The following RBFOX1 variants were observed in gnomAD, a reference collection of about 807,000 sequenced individuals.
RBFOX1 encodes the protein RNA binding protein fox-1 homolog 1.
RBFOX1 carries 8 observed loss-of-function variants against 57.7 expected under a neutral mutation model. The observed-to-expected ratio is 0.14, with a 90% CI of 0.08 to 0.25. The LOEUF (loss-of-function observed/expected upper bound fraction) is 0.25. RBFOX1 is among the 10% of genes least tolerant of loss of function. The probability of loss-of-function intolerance (pLI) is 1.00; values close to 1 mark genes in which losing one functional copy is unlikely to be tolerated. For synonymous variants in RBFOX1, 326 were observed against 222.4 expected, an observed-to-expected ratio of 1.47 and a Z score of -4.15; for missense variants, 611 against 548.5, an observed-to-expected ratio of 1.11 and a Z score of -1.14.
chr16:6,816,422 AT>A (rs34666559), intron 3 of RBFOX1, among the ~76,000 whole-genome samples: 29,815 of 140,602 alleles, frequency 0.21, 2,997 homozygotes, highest in African/African-American at 0.24. Flanking sequence ...CCTTCATGTA[AT>A]TTTTTTTTTT....
At chr16:5,640,414 A>G (rs931510208) in intron 3 of RBFOX1, among the ~76,000 whole-genome samples, 1 of 152,094 alleles carries the variant, frequency 6.6e-6, no homozygotes, top group African/African-American at 2.4e-5. Context: ...ACACATGCAC[A>G]CCATGCACAC....
At chr16:5,386,095 A>C (rs2066247454) in intron 1 of RBFOX1, among the ~76,000 whole-genome samples, 1 of 140,484 alleles carries the variant, frequency 7.1e-6, no homozygotes, top group South Asian at 2.4e-4. Context: ...TGAACTTGGA[A>C]AGTTTGCAAC....
At chr16:5,732,923 T>A (rs1399211292) in intron 3 of RBFOX1, among the ~76,000 whole-genome samples, 1 of 152,150 alleles carries the variant, frequency 6.6e-6, no homozygotes, top group Non-Finnish European at 1.5e-5. Context: ...GCCTGCCTTA[T>A]TATCCAAGGA....
intron 5 of RBFOX1, among the ~76,000 whole-genome samples, chr16:7,544,946 G>C (rs2152497412): frequency 6.6e-6 from 1 of 152,240 alleles, no homozygotes; most frequent in South Asian, 2.1e-4. Flanking sequence ...TCCAATAGCA[G>C]CTCAGTTACG....
chr16:6,316,725 A>G (rs8043935), intron 1 of RBFOX1, among the ~76,000 whole-genome samples: 23,181 of 152,152 alleles, frequency 0.15, 2,042 homozygotes, highest in South Asian at 0.24. Flanking sequence ...ATGTCTTGTC[A>G]ACTGTGGGAG....
At position 6,920,851 on chromosome 16, in the gene RBFOX1, C is replaced by T. The variant is rs2074304052; in HGVS notation, c.-15-131206C>T. 2.6e-5 allele frequency among the ~76,000 whole-genome samples: 4 copies of T among 152,182 alleles called. 1 individual carries two copies. The highest frequency in any genetic ancestry group is 9.7e-5 in the African/African-American group (4 of 41,442). ...CTTGAGATCCTTAACTTAGTTACAC[C>T]ACCTGCAAAAGCTTTATTTCCAAAT... On this transcript the variant is annotated intron_variant, in intron 3 of 15. Transcript: ENST00000550418.
intron 3 of RBFOX1, among the ~76,000 whole-genome samples, chr16:5,630,699 C>T (rs913642026): frequency 6.6e-6 from 1 of 152,122 alleles, no homozygotes; most frequent in African/African-American, 2.4e-5. Flanking sequence ...TATTCTTTTT[C>T]TATCCTGATG....
chr16:6,917,716 C>A (rs1365139105), intron 3 of RBFOX1, among the ~76,000 whole-genome samples: 1 of 152,186 alleles, frequency 6.6e-6, no homozygotes, highest in East Asian at 1.9e-4. Context: ...CCCTTTGCTT[C>A]GATGGGAACC....
chr16:6,470,633 C>G (rs1385141616), intron 2 of RBFOX1, among the ~76,000 whole-genome samples: 2 of 152,174 alleles, frequency 1.3e-5, no homozygotes, highest in African/African-American at 4.8e-5. Context: ...TCCATAGCCC[C>G]TACCCAACTT....
intron 4 of RBFOX1, among the ~76,000 whole-genome samples, chr16:7,397,714 A>G (rs925637082): frequency 6.6e-6 from 1 of 152,150 alleles, no homozygotes; most frequent in African/African-American, 2.4e-5. Flanking sequence ...CTCTGGAATG[A>G]TTTTGACATG....
At chr16:6,725,775 T>C (rs2067043069) in intron 3 of RBFOX1, among the ~76,000 whole-genome samples, 1 of 152,192 alleles carries the variant, frequency 6.6e-6, no homozygotes, top group South Asian at 2.1e-4. Context: ...ATGTTGAAAA[T>C]TCTATCATTT....
chr16:5,541,192 A>G (rs890322084), intron 2 of RBFOX1, among the ~76,000 whole-genome samples: 1 of 152,110 alleles, frequency 6.6e-6, no homozygotes, highest in Admixed American at 6.5e-5. Flanking sequence ...ATTTATGTGT[A>G]TGTTTAAGAT....
chr16:6,641,141 C>A (rs964306722), intron 2 of RBFOX1, among the ~76,000 whole-genome samples: 1 of 152,174 alleles, frequency 6.6e-6, no homozygotes, highest in Non-Finnish European at 1.5e-5. Context: ...AATGAAGGTG[C>A]CTATCAAAGT....
chr16:6,871,646 T>C (rs1381135301), intron 3 of RBFOX1, among the ~76,000 whole-genome samples: 1 of 151,772 alleles, frequency 6.6e-6, no homozygotes, highest in East Asian at 1.9e-4. Flanking sequence ...CCTGGAGTGC[T>C]GTCAACACTT....
At chr16:7,061,451 AAAG>A (rs1201780647) in intron 4 of RBFOX1, among the ~76,000 whole-genome samples, 3 of 152,204 alleles carry the variant, frequency 2.0e-5, no homozygotes, top group Non-Finnish European at 2.9e-5. Context: ...ATGATTAAAT[AAAG>A]AAGTGTACAG....
intron 3 of RBFOX1, among the ~76,000 whole-genome samples, chr16:6,806,815 TAA>T (rs1437730571): frequency 2.6e-5 from 2 of 78,300 alleles, no homozygotes; most frequent in African/African-American, 5.2e-5. Flanking sequence ...AATAAATATA[TAA>T]ATATATATAT....
At chr16:7,535,747 C>T (rs2081317470) in intron 5 of RBFOX1, among the ~76,000 whole-genome samples, 1 of 152,218 alleles carries the variant, frequency 6.6e-6, no homozygotes, top group African/African-American at 2.4e-5. Flanking sequence ...ACTAAATACA[C>T]ATGAACAATT....
chr16:7,358,275 G>T (rs1025006416), intron 4 of RBFOX1, among the ~76,000 whole-genome samples: 2 of 152,176 alleles, frequency 1.3e-5, no homozygotes, highest in African/African-American at 4.8e-5. Context: ...AAAGAGGGTG[G>T]CCGTGCCACC....
At chr16:6,842,627 A>G (rs1460410630) in intron 3 of RBFOX1, among the ~76,000 whole-genome samples, 3 of 118,518 alleles carry the variant, frequency 2.5e-5, no homozygotes, top group African/African-American at 3.8e-5. Context: ...ACAGACATTT[A>G]GACTGTTTTT....
Sources: allele counts gnomAD v4.1 joint callset (sites outside exome capture counted in the v4.1 genomes callset), GRCh38; gene constraint gnomAD v4.1.1; transcripts MANE v1.5; gene names NCBI Gene and HGNC (gene_info 2026-07-23, HGNC 2026-07-21).